Variants in PITPNC1 observed in about 807,000 individuals in gnomAD.
The protein encoded by PITPNC1 is phosphatidylinositol transfer protein cytoplasmic 1.
Under a neutral mutation model 44.7 loss-of-function variants are expected in PITPNC1, and 18 were observed. The ratio of observed to expected loss-of-function variants is 0.40; its 90% confidence interval spans 0.28 to 0.60. PITPNC1 has a LOEUF of 0.60. Among genes scored for constraint, PITPNC1 ranks in the 20% least tolerant of loss-of-function variants. PITPNC1 has a pLI of 0.39. For synonymous variants in PITPNC1, 141 were observed against 149.6 expected (o/e 0.94, Z 0.42); for missense variants, 290 against 418.4 (o/e 0.69, Z 2.68).
At chr17:67,395,200 C>T (rs1598611984) in intron 1 of PITPNC1, among the ~76,000 whole-genome samples, 1 of 151,230 alleles carries the variant, frequency 6.6e-6, no homozygotes, top group African/African-American at 2.4e-5. Context: ...TAGGGTCCCA[C>T]TCTGTTGCCC....
At chr17:67,430,195 T>A (rs1216325103) in intron 1 of PITPNC1, among the ~76,000 whole-genome samples, 1 of 152,218 alleles carries the variant, frequency 6.6e-6, no homozygotes, top group Non-Finnish European at 1.5e-5. Flanking sequence ...TTCTCCTTAC[T>A]ACTCTGTGAT....
intron 5 of PITPNC1, among the ~76,000 whole-genome samples, chr17:67,588,002 TTC>T (rs1204072049): frequency 6.6e-6 from 1 of 152,134 alleles, no homozygotes; most frequent in Non-Finnish European, 1.5e-5. Flanking sequence ...GAAGTTTGTT[TTC>T]TTTCTTTTTT....
chr17:67,389,784 A>G (rs952999955), intron 1 of PITPNC1, among the ~76,000 whole-genome samples: 21 of 152,094 alleles, frequency 1.4e-4, no homozygotes, highest in African/African-American at 4.1e-4. Context: ...GGTTCAAGCA[A>G]TTCTCCTGCC....
At chr17:67,540,927 T>G (rs2040597685) in intron 2 of PITPNC1, among the ~76,000 whole-genome samples, 1 of 152,166 alleles carries the variant, frequency 6.6e-6, no homozygotes, top group South Asian at 2.1e-4. Flanking sequence ...TCTAAAAGAC[T>G]GAGTGAGGGC....
chr17:67,574,901 G>A (rs1017057489), intron 4 of PITPNC1, among the ~76,000 whole-genome samples: 2 of 152,086 alleles, frequency 1.3e-5, no homozygotes, highest in Admixed American at 6.5e-5. Flanking sequence ...TCCTAGCCTC[G>A]TGGCAAGGTT....
chr17:67,638,691 G>A (rs2042059749), intron 6 of PITPNC1: 1 of 152,168 alleles, frequency 6.6e-6, no homozygotes, highest in African/African-American at 2.4e-5. Flanking sequence ...TAGCCCAGAG[G>A]TTCTCAACTA....
intron 1 of PITPNC1, among the ~76,000 whole-genome samples, chr17:67,472,332 TAAAAAAAAAAA>T (rs751090662): frequency 2.9e-4 from 12 of 41,416 alleles, no homozygotes; most frequent in Admixed American, 8.4e-4. Context: ...GCTGTTGAGC[TAAAAAAAAAAA>T]AAAAAAAAAA....
chr17:67,433,345 T>C (rs1007204985), intron 1 of PITPNC1, among the ~76,000 whole-genome samples: 1 of 152,190 alleles, frequency 6.6e-6, no homozygotes, highest in African/African-American at 2.4e-5. Context: ...CGGGTAAGGC[T>C]GTGGAACCGG....
At chr17:67,430,000 A>T (rs552563464) in intron 1 of PITPNC1, among the ~76,000 whole-genome samples, 1 of 152,352 alleles carries the variant, frequency 6.6e-6, no homozygotes, top group African/African-American at 2.4e-5. Flanking sequence ...TAGTGGAAAC[A>T]GCCTTGCTTT....
At chr17:67,577,597 ATAAAATT>A (rs1400955952) in intron 4 of PITPNC1, among the ~76,000 whole-genome samples, 1 of 151,258 alleles carries the variant, frequency 6.6e-6, no homozygotes, top group Non-Finnish European at 1.5e-5. Context: ...AAAATTAAAA[ATAAAATT>A]TAAAATTTAA....
intron 1 of PITPNC1, among the ~76,000 whole-genome samples, chr17:67,512,270 G>A (rs1351586057): frequency 6.6e-6 from 1 of 152,140 alleles, no homozygotes; most frequent in Non-Finnish European, 1.5e-5. Flanking sequence ...AGGCCCAGGC[G>A]GGCGGATCAT....
intron 1 of PITPNC1, among the ~76,000 whole-genome samples, chr17:67,527,934 G>A (rs759385776): frequency 3.3e-5 from 5 of 152,172 alleles, no homozygotes; most frequent in Admixed American, 6.5e-5. Context: ...CCAGGAAGTC[G>A]AGGCTGAGGT....
At chr17:67,405,607 T>C (rs1164440039) in intron 1 of PITPNC1, among the ~76,000 whole-genome samples, 1 of 151,592 alleles carries the variant, frequency 6.6e-6, no homozygotes, top group Non-Finnish European at 1.5e-5. Context: ...CTTTCTTTCT[T>C]TCTTTTTTTT....
intron 1 of PITPNC1, among the ~76,000 whole-genome samples, chr17:67,517,997 C>G (rs992166221): frequency 6.6e-5 from 10 of 152,188 alleles, no homozygotes; most frequent in African/African-American, 2.4e-4. Context: ...GTGACTTGAT[C>G]TGCAAGGAAA....
intron 1 of PITPNC1, among the ~76,000 whole-genome samples, chr17:67,445,232 G>A (rs2039078565): frequency 6.6e-6 from 1 of 152,030 alleles, no homozygotes; most frequent in African/African-American, 2.4e-5. Flanking sequence ...GGAGGGAATG[G>A]ATCAGAGGTG....
intron 1 of PITPNC1, among the ~76,000 whole-genome samples, chr17:67,490,164 TAA>T (rs1162906930): frequency 2.1e-5 from 3 of 145,004 alleles, no homozygotes; most frequent in Admixed American, 1.4e-4. Context: ...GTGTGTGTTT[TAA>T]TTAACGAGGA....
At chr17:67,425,565 G>A (rs764993838) in intron 1 of PITPNC1, among the ~76,000 whole-genome samples, 8 of 140,358 alleles carry the variant, frequency 5.7e-5, no homozygotes, top group Non-Finnish European at 1.1e-4. Context: ...TCTGTCACCC[G>A]GGCTGGAGTG....
intron 4 of PITPNC1, among the ~76,000 whole-genome samples, chr17:67,570,496 A>G (rs1367943098): frequency 6.6e-6 from 1 of 152,190 alleles, no homozygotes; most frequent in Non-Finnish European, 1.5e-5. Flanking sequence ...TTCATAGTGG[A>G]GGATCTGCCT....
chr17:67,502,236 T>G (rs936079850), intron 1 of PITPNC1, among the ~76,000 whole-genome samples: 1 of 152,166 alleles, frequency 6.6e-6, no homozygotes, highest in African/African-American at 2.4e-5. Flanking sequence ...CTTAGTGCTC[T>G]TCTCTGCTTT....
Sources: gnomAD v4.1 joint callset for allele counts (sites outside exome capture counted in the v4.1 genomes callset) on GRCh38, gnomAD v4.1.1 for gene constraint, MANE v1.5 for transcripts, NCBI Gene and HGNC (gene_info 2026-07-23, HGNC 2026-07-21) for gene names.